Variants in EDA observed in about 807,000 individuals in gnomAD.
EDA encodes ectodysplasin A.
In EDA, 2 loss-of-function variants were observed where a neutral mutation model predicts 23.6. The observed-to-expected ratio is 0.08, with a 90% CI of 0.03 to 0.27. The LOEUF is 0.27. Among genes scored for constraint, EDA ranks in the 10% least tolerant of loss-of-function variants. The probability of loss-of-function intolerance (pLI) is 1.00; values close to 1 mark genes in which losing one functional copy is unlikely to be tolerated. For synonymous variants in EDA, 131 were observed against 132.0 expected, an observed-to-expected ratio of 0.99 and a Z score of 0.05; for missense variants, 229 against 324.2, an observed-to-expected ratio of 0.71 and a Z score of 2.26.
At chrX:69,667,182 A>G (rs1271932436) in intron 1 of EDA, among the ~76,000 whole-genome samples, 1 of 95,696 alleles carries the variant, frequency 1.0e-5, no homozygotes, top group African/African-American at 4.0e-5. Flanking sequence ...CAGTGGTGCG[A>G]TCTTGGCTCA....
At chrX:69,881,582 C>T (rs761117462) in intron 1 of EDA, among the ~76,000 whole-genome samples, 1 of 112,196 alleles carries the variant, frequency 8.9e-6, no homozygotes, top group South Asian at 3.7e-4. Flanking sequence ...ATTGATCCCT[C>T]CCACTGGCCC....
At chrX:70,004,105 T>C (rs1381489078) in intron 2 of EDA, among the ~76,000 whole-genome samples, 1 of 112,454 alleles carries the variant, frequency 8.9e-6, no homozygotes, top group Non-Finnish European at 1.9e-5. Context: ...CATGAAACTT[T>C]GAGGGACCAT....
intron 1 of EDA, among the ~76,000 whole-genome samples, chrX:69,663,436 G>C (rs1933580142): frequency 8.9e-6 from 1 of 112,556 alleles, no homozygotes; most frequent in Non-Finnish European, 1.9e-5. Context: ...GTGGTATTGA[G>C]CCTGCGGATG....
chrX:69,665,597 A>G (rs769789458), intron 1 of EDA, among the ~76,000 whole-genome samples: 42 of 111,422 alleles, frequency 3.8e-4, no homozygotes, highest in Non-Finnish European at 6.8e-4. Context: ...TGCCGTTGTC[A>G]CAAAGTAATT....
chrX:69,736,208 G>A (rs2013250284), intron 1 of EDA, among the ~76,000 whole-genome samples: 1 of 110,465 alleles, frequency 9.1e-6, no homozygotes, highest in South Asian at 4.0e-4. Context: ...GGGAGACTGA[G>A]GCAGGAGAAT....
At chrX:69,710,576 T>G (rs937581031) in intron 1 of EDA, among the ~76,000 whole-genome samples, 1 of 111,910 alleles carries the variant, frequency 8.9e-6, no homozygotes, top group Non-Finnish European at 1.9e-5. Context: ...ATAAATTACC[T>G]TAGGCAGTAT....
intron 2 of EDA, among the ~76,000 whole-genome samples, chrX:69,990,293 C>T (rs2019565944): frequency 9.0e-6 from 1 of 110,902 alleles, no homozygotes; most frequent in Non-Finnish European, 1.9e-5. Flanking sequence ...CACTTGGTCT[C>T]CTCTGACACC....
chrX:69,654,821 T>C (rs1348186659), intron 1 of EDA, among the ~76,000 whole-genome samples: 1 of 105,682 alleles, frequency 9.5e-6, no homozygotes, highest in Non-Finnish European at 1.9e-5. Flanking sequence ...GGGGGAAGGA[T>C]AGCATTAGGA....
At chrX:69,733,407 A>G (rs377527751) in intron 1 of EDA, among the ~76,000 whole-genome samples, 1 of 106,141 alleles carries the variant, frequency 9.4e-6, no homozygotes, top group Non-Finnish European at 2.0e-5. Context: ...AGATCAGATG[A>G]TTGTAGATGT....
chrX:69,982,880 G>A (rs1483980621), intron 2 of EDA, among the ~76,000 whole-genome samples: 2 of 66,703 alleles, frequency 3.0e-5, no homozygotes, highest in African/African-American at 6.0e-5. Flanking sequence ...CATTATTAAT[G>A]TGTGGGAGTC....
chrX:69,863,506 CAT>C (rs1271634025), intron 1 of EDA, among the ~76,000 whole-genome samples: 3 of 63,293 alleles, frequency 4.7e-5, no homozygotes, highest in African/African-American at 1.5e-4. Flanking sequence ...TATATATATA[CAT>C]ATATATGTAT....
At chrX:69,862,799 C>CA (rs1158859389) in intron 1 of EDA, among the ~76,000 whole-genome samples, 1 of 110,866 alleles carries the variant, frequency 9.0e-6, no homozygotes, top group Non-Finnish European at 1.9e-5. Flanking sequence ...AGAGTAACTA[C>CA]AACACAAATG....
intron 1 of EDA, among the ~76,000 whole-genome samples, chrX:69,647,528 C>T (rs1932963424): frequency 8.9e-6 from 1 of 111,933 alleles, no homozygotes; most frequent in African/African-American, 3.2e-5. Context: ...TTGTGTTTTT[C>T]AGCTCCATCA....
At chrX:69,734,267 G>A (rs1303528141) in intron 1 of EDA, among the ~76,000 whole-genome samples, 1 of 111,038 alleles carries the variant, frequency 9.0e-6, no homozygotes, top group Non-Finnish European at 1.9e-5. Flanking sequence ...TTAAATTTCT[G>A]TGGGGTCAAG....
intron 1 of EDA, among the ~76,000 whole-genome samples, chrX:69,742,447 C>A (rs886701703): frequency 8.9e-6 from 1 of 112,059 alleles, no homozygotes; most frequent in African/African-American, 3.2e-5. Flanking sequence ...TTAAATGTCA[C>A]AGACTGACAT....
rs143612960 is a variant in EDA at position 69,652,008 on chromosome X, G to A, written c.396+35304G>A. 1.1e-3 allele frequency among the ~76,000 whole-genome samples: 122 copies of A among 111,024 alleles called. 1 individual carries two copies. In the East Asian group the frequency reaches 0.033, roughly 30 times the overall value. On this transcript the variant is annotated intron_variant, in intron 1 of 7. Coordinates refer to ENST00000374552, the MANE Select transcript of EDA (RefSeq NM_001399.5). ...CAAGATCGTCAGGGCAGAGAGCAGA[G>A]GAGAGTGATGAAAGTTTTGAAGAGA...
chrX:69,844,916 C>G (rs1331870652), intron 1 of EDA, among the ~76,000 whole-genome samples: 4 of 112,144 alleles, frequency 3.6e-5, no homozygotes, highest in African/African-American at 1.3e-4. Flanking sequence ...CATTTCTCCT[C>G]TTCAGGCTTA....
chrX:69,826,186 G>T (rs1486475006), intron 1 of EDA, among the ~76,000 whole-genome samples: 16 of 111,839 alleles, frequency 1.4e-4, no homozygotes, highest in East Asian at 8.4e-4. Context: ...TTGATTTGGG[G>T]TGGAGAGTTC....
chrX:69,616,564 A>G lies in EDA; in HGVS notation c.256A>G (p.Thr86Ala). The G allele has an allele frequency of 8.3e-7, 1 of 1,209,727 alleles. No individual in the cohort carries two copies. The highest frequency in any genetic ancestry group is 2.3e-4 in the Middle Eastern group (1 of 4,339). The change falls in exon 1 of 8, where the codon ACC (threonine) becomes GCC (alanine). Residue 86 changes from threonine to alanine, a missense_variant. Thr to Ala is a moderately conservative substitution (Grantham distance 58). Coordinates refer to ENST00000374552, the MANE Select transcript of EDA (RefSeq NM_001399.5). ...SRLGGSGTPG[T>A]SGTLSSLGGL... ...CCTTGGCGGCTCGGGCACCCCTGGCACCTCTGGCACCCTAAGCAGCCTCGG... is the reference window on the plus strand; with the variant it reads ...CCTTGGCGGCTCGGGCACCCCTGGCGCCTCTGGCACCCTAAGCAGCCTCGG...
Sources: allele counts gnomAD v4.1 joint callset (sites outside exome capture counted in the v4.1 genomes callset), GRCh38; gene constraint gnomAD v4.1.1; transcripts MANE v1.5; gene names NCBI Gene and HGNC (gene_info 2026-07-23, HGNC 2026-07-21).